Variants in SUSD4 observed in about 807,000 individuals in gnomAD.
SUSD4 encodes sushi domain containing 4.
A neutral mutation model predicts 50.5 loss-of-function variants in SUSD4; 41 were observed. The ratio of observed to expected loss-of-function variants is 0.81; its 90% CI spans 0.63 to 1.05. The LOEUF (loss-of-function observed/expected upper bound fraction) is 1.05. Ranked by LOEUF, SUSD4 falls within the 50% of genes least tolerant of loss-of-function variation. SUSD4 has a pLI of 0.00. For missense variants in SUSD4, 580 were observed against 634.7 expected (o/e 0.91, Z 0.93); for synonymous variants, 257 against 257.3 (o/e 1.00, Z 0.01).
At chr1:223,304,793 CATATATATATATATATATATATATAT>C (rs57599818) in intron 2 of SUSD4, among the ~76,000 whole-genome samples, 563 of 53,568 alleles carry the variant, frequency 0.011, 7 homozygotes, top group African/African-American at 0.018. Flanking sequence ...CTCAGGTTTC[CATATATATATATATATATATATATAT>C]ATATATATAT....
At chr1:223,265,246 T>C (rs886070396) in intron 4 of SUSD4, among the ~76,000 whole-genome samples, 1 of 152,172 alleles carries the variant, frequency 6.6e-6, no homozygotes, top group African/African-American at 2.4e-5. Context: ...CCGCCAGTGG[T>C]TTCAGTGGTG....
chr1:223,268,796 G>A, intron 3 of SUSD4, 121 bp from the exon 4 acceptor site: 1 of 1,011,496 alleles, frequency 9.9e-7, no homozygotes, highest in Non-Finnish European at 1.4e-6. Context: ...TCTGATAAAT[G>A]GTACCTCATT....
chr1:223,306,437 C>T (rs1665537740), intron 2 of SUSD4, among the ~76,000 whole-genome samples: 2 of 152,202 alleles, frequency 1.3e-5, no homozygotes, highest in Admixed American at 1.3e-4. Context: ...GCAGGGAAGT[C>T]TTGCATTTGT....
At chr1:223,267,640 A>G (rs908583538) in intron 4 of SUSD4, among the ~76,000 whole-genome samples, 7 of 152,048 alleles carry the variant, frequency 4.6e-5, no homozygotes, top group African/African-American at 1.2e-4. Context: ...CACGACTTTT[A>G]AGCTCTCATG....
chr1:223,341,373 C>T (rs553793363), intron 2 of SUSD4, among the ~76,000 whole-genome samples: 15 of 152,328 alleles, frequency 9.8e-5, no homozygotes, highest in African/African-American at 3.1e-4. Flanking sequence ...AGCAAAGCCA[C>T]GGCTGCATCT....
intron 3 of SUSD4, among the ~76,000 whole-genome samples, chr1:223,286,451 A>C (rs1005322323): frequency 2.6e-5 from 4 of 152,172 alleles, no homozygotes; most frequent in African/African-American, 9.7e-5. Context: ...GGGTTTCGTC[A>C]TGTTGACCAG....
intron 3 of SUSD4, among the ~76,000 whole-genome samples, chr1:223,277,399 C>T (rs1354630093): frequency 2.6e-5 from 4 of 152,080 alleles, no homozygotes; most frequent in African/African-American, 9.7e-5. Flanking sequence ...ACAGCTCCTC[C>T]TCCTGTGCTC....
At chr1:223,281,379 G>C (rs1663714837) in intron 3 of SUSD4, among the ~76,000 whole-genome samples, 1 of 151,942 alleles carries the variant, frequency 6.6e-6, no homozygotes, top group South Asian at 2.1e-4. Context: ...GAATCAAATA[G>C]ACACAATAAA....
intron 2 of SUSD4, among the ~76,000 whole-genome samples, chr1:223,297,564 G>A (rs1323237222): frequency 6.6e-6 from 1 of 152,120 alleles, no homozygotes; most frequent in Non-Finnish European, 1.5e-5. Flanking sequence ...CTCTACCAAC[G>A]GAAAGTTTTC....
At chr1:223,258,200 C>G (rs1661837043) in intron 5 of SUSD4, among the ~76,000 whole-genome samples, 1 of 152,182 alleles carries the variant, frequency 6.6e-6, no homozygotes, top group Non-Finnish European at 1.5e-5. Context: ...CCAGGCGCCT[C>G]TTGTACCTGA....
chr1:223,233,541 C>CACAG (rs546265824), intron 5 of SUSD4, among the ~76,000 whole-genome samples: 15 of 152,212 alleles, frequency 9.9e-5, no homozygotes, highest in Admixed American at 2.6e-4. Flanking sequence ...GACAGTTCCA[C>CACAG]ACAGACAGAC....
chr1:223,358,127 A>C (rs962227941), intron 2 of SUSD4, among the ~76,000 whole-genome samples: 1 of 152,224 alleles, frequency 6.6e-6, no homozygotes, highest in Non-Finnish European at 1.5e-5. Flanking sequence ...AATTTTATGC[A>C]TGCTTTTTGC....
At chr1:223,226,526 T>C (rs1659531865) in intron 7 of SUSD4, among the ~76,000 whole-genome samples, 1 of 152,230 alleles carries the variant, frequency 6.6e-6, no homozygotes, top group African/African-American at 2.4e-5. Context: ...GGGTAGGTGC[T>C]GTCTCCAGCA....
intron 2 of SUSD4, among the ~76,000 whole-genome samples, chr1:223,304,846 A>T (rs1479545596): frequency 1.2e-5 from 1 of 84,984 alleles, no homozygotes; most frequent in Non-Finnish European, 2.3e-5. Flanking sequence ...ATATATATAT[A>T]TATATATATA....
Position 223,288,998 on chromosome 1 carries a change from T to C in SUSD4, c.361+3441A>G, listed in dbSNP as rs560175216. The C allele has an allele frequency of 1.1e-4, 75 of 701,496 alleles. No homozygotes were observed. In the African/African-American group the frequency reaches 1.4e-3, roughly 13 times the overall value. 43.5% of individuals were successfully genotyped at this position (701,496 alleles called of 1,614,324 possible). A position where few individuals can be genotyped will look rare whatever the true frequency, so the allele number is the denominator to read the frequency against. On this transcript the variant is annotated intron_variant, in intron 3 of 8. Coordinates refer to ENST00000366878, the MANE Select transcript of SUSD4 (RefSeq NM_017982.4). The stretch of plus-strand genomic sequence containing the variant: ...CTTGCTTCACCTCTGTCTTTTCTTA[T>C]GAAATGTAGGAAAGGGATATATTTA...
intron 5 of SUSD4, chr1:223,235,140 T>A (rs1660130812): frequency 6.5e-7 from 1 of 1,548,622 alleles, no homozygotes; most frequent in East Asian, 2.3e-5. Context: ...ATAAGAAGAC[T>A]ATTTCTCTTG....
intron 2 of SUSD4, among the ~76,000 whole-genome samples, chr1:223,350,222 T>A (rs1668280073): frequency 6.6e-6 from 1 of 152,230 alleles, no homozygotes; most frequent in Non-Finnish European, 1.5e-5. Flanking sequence ...ACGGAGACAG[T>A]ATCCCACATA....
chr1:223,363,729 G>A (rs1669145727), intron 1 of SUSD4: 1 of 309,510 alleles, frequency 3.2e-6, no homozygotes, highest in African/African-American at 2.1e-5. Context: ...TTGGCTCCGC[G>A]CCGGTCCCCG....
intron 2 of SUSD4, among the ~76,000 whole-genome samples, chr1:223,330,901 G>A (rs546230836): frequency 6.6e-6 from 1 of 152,296 alleles, no homozygotes; most frequent in East Asian, 1.9e-4. Flanking sequence ...AGAACTAGAA[G>A]ATGGAAGGAT....
Sources: allele counts gnomAD v4.1 joint callset (sites outside exome capture counted in the v4.1 genomes callset), GRCh38; gene constraint gnomAD v4.1.1; transcripts MANE v1.5; gene names NCBI Gene and HGNC (gene_info 2026-07-23, HGNC 2026-07-21).